The following ANKRD31 variants were observed in gnomAD, a reference collection of about 807,000 sequenced individuals.
ANKRD31 encodes ankyrin repeat domain-containing protein 31.
Under a neutral mutation model 186.0 loss-of-function variants are expected in ANKRD31, and 147 were observed. The observed-to-expected ratio is 0.79, with a 90% confidence interval of 0.69 to 0.91. ANKRD31 has a LOEUF of 0.91. Ranked by LOEUF, ANKRD31 falls within the 40% of genes least tolerant of loss-of-function variation. The pLI is 0.00. For missense variants in ANKRD31, 1,986 were observed against 2,148.8 expected (o/e 0.92, Z 1.50); for synonymous variants, 673 against 736.4 (o/e 0.91, Z 1.39).
chr5:75,192,137 T>A lies in ANKRD31; in HGVS notation c.1408+530A>T, dbSNP rs989908400. ...GTACGCTTATATCGCTGCAGTATTATTATCAAATTCAGAAAACTTACCTCT... is the reference window on the plus strand; with the variant it reads ...GTACGCTTATATCGCTGCAGTATTAATATCAAATTCAGAAAACTTACCTCT... On this transcript the variant is annotated intron_variant, in intron 9 of 25. Transcript: ENST00000506364. Among the ~76,000 whole-genome samples the A allele has an allele frequency of 3.9e-5, 6 of 152,296 alleles. No individual in the cohort carries two copies. In the South Asian group the frequency reaches 1.2e-3, roughly 32 times the overall value.
intron 2 of ANKRD31, among the ~76,000 whole-genome samples, chr5:75,229,864 C>CAAAAAAAAAAAA (rs1210080751): frequency 6.6e-4 from 25 of 37,730 alleles, no homozygotes; most frequent in Non-Finnish European, 9.2e-4. Flanking sequence ...GACTCTGTCT[C>CAAAAAAAAAAAA]AAAAAAAAAA....
chr5:75,223,733 C>T (rs1757442521), intron 2 of ANKRD31, among the ~76,000 whole-genome samples: 2 of 152,066 alleles, frequency 1.3e-5, no homozygotes, highest in African/African-American at 2.4e-5. Flanking sequence ...ATGCTGATGC[C>T]CTAACCGCCA....
chr5:75,141,553 A>T (rs866577346), intron 15 of ANKRD31, among the ~76,000 whole-genome samples: 7 of 152,004 alleles, frequency 4.6e-5, no homozygotes, highest in African/African-American at 1.2e-4. Flanking sequence ...GACATTTCTT[A>T]AAAAAATTTA....
chr5:75,210,245 C>A (rs1029983588), intron 4 of ANKRD31, among the ~76,000 whole-genome samples: 2 of 152,186 alleles, frequency 1.3e-5, no homozygotes, highest in African/African-American at 4.8e-5. Context: ...ATGATCTCAG[C>A]TCATTGCAAC....
chr5:75,115,206 T>C (rs1232183817), intron 19 of ANKRD31, among the ~76,000 whole-genome samples: 4 of 150,396 alleles, frequency 2.7e-5, no homozygotes, highest in African/African-American at 9.8e-5. Flanking sequence ...GCTAGCCATA[T>C]GTAGAAAGCT....
At chr5:75,200,577 T>C (rs1407470354) in intron 5 of ANKRD31, among the ~76,000 whole-genome samples, 2 of 147,914 alleles carry the variant, frequency 1.4e-5, no homozygotes, top group Non-Finnish European at 3.0e-5. Flanking sequence ...GGATTACAGG[T>C]GTGAGCCACC....
chr5:75,121,782 C>A (rs1192658104), intron 17 of ANKRD31, among the ~76,000 whole-genome samples: 1 of 151,936 alleles, frequency 6.6e-6, no homozygotes, highest in Non-Finnish European at 1.5e-5. Context: ...TCAGAATATA[C>A]CAAAACCTCT....
intron 3 of ANKRD31, among the ~76,000 whole-genome samples, chr5:75,211,478 C>T (rs1756643547): frequency 1.3e-5 from 2 of 152,180 alleles, no homozygotes; most frequent in South Asian, 4.1e-4. Flanking sequence ...ATTCAAGTCC[C>T]TGCTTTCACT....
intron 11 of ANKRD31, among the ~76,000 whole-genome samples, chr5:75,158,572 T>C (rs1580452109): frequency 6.6e-6 from 1 of 152,204 alleles, no homozygotes; most frequent in South Asian, 2.1e-4. Context: ...GGCCAGCAGT[T>C]CTAAACCAGC....
chr5:75,210,110 T>A (rs994285956), intron 4 of ANKRD31, among the ~76,000 whole-genome samples: 1 of 152,188 alleles, frequency 6.6e-6, no homozygotes, highest in Admixed American at 6.5e-5. Context: ...GAATCATTGT[T>A]TTAAAAGAAC....
chr5:75,093,480 C>CACA (rs199939837), intron 22 of ANKRD31, among the ~76,000 whole-genome samples: 11 of 151,970 alleles, frequency 7.2e-5, no homozygotes, highest in Non-Finnish European at 1.3e-4. Context: ...AAAACTGTGT[C>CACA]ACAACAACAA....
chr5:75,217,476 C>T (rs1326271481), intron 3 of ANKRD31, among the ~76,000 whole-genome samples: 1 of 152,056 alleles, frequency 6.6e-6, no homozygotes, highest in Non-Finnish European at 1.5e-5. Flanking sequence ...TTAAGTAATG[C>T]CCTTCTTTTT....
intron 5 of ANKRD31, among the ~76,000 whole-genome samples, chr5:75,201,707 C>T (rs1196178410): frequency 6.6e-6 from 1 of 152,092 alleles, no homozygotes; most frequent in Admixed American, 6.5e-5. Context: ...TTGGTTCAGG[C>T]CTTGAAGGGA....
rs542809470 is a variant in ANKRD31 at position 75,119,756 on chromosome 5, G to A, written c.3877-1459C>T. On this transcript the variant is annotated intron_variant, in intron 17 of 25. Transcript: ENST00000506364. ...TTTCTTCACAACCTTACCAGCATCT[G>A]TTATTTTCTGACCTTTAAATAATAG... 7.2e-5 allele frequency among the ~76,000 whole-genome samples: 11 copies of A among 152,270 alleles called. No individual in the cohort carries two copies. In the South Asian group the frequency reaches 2.1e-3, roughly 29 times the overall value.
At chr5:75,167,388 C>T (rs2150184907) in intron 11 of ANKRD31, among the ~76,000 whole-genome samples, 1 of 152,364 alleles carries the variant, frequency 6.6e-6, no homozygotes, top group Admixed American at 6.5e-5. Context: ...ACACCAAAGG[C>T]ATTTCAGCAA....
Position 75,146,264 on chromosome 5 carries a change from T to C in ANKRD31, c.3147A>G (p.Thr1049=). The change falls in exon 14 of 26, where the codon ACA becomes ACG. Residue 1049 remains threonine, a synonymous_variant. Coordinates refer to ENST00000506364, the MANE Select transcript of ANKRD31 (RefSeq NM_001372053.1). ...PRAPTFLMNQ[T]DTHIVEKMAK... ...CCATCTTTTCCACAATATGTGTATC[T>C]GTTTGATTCATTAAAAAAGTTGGTG... is the stretch of plus-strand genomic sequence containing the variant. 1 of 1,536,546 alleles carries C rather than the reference T, an allele frequency of 6.5e-7. No homozygotes were observed. Among genetic ancestry groups the C allele is most frequent in the East Asian group, 2.4e-5 (1 of 40,880 alleles).
intron 10 of ANKRD31, among the ~76,000 whole-genome samples, chr5:75,180,615 C>T (rs1333798356): frequency 1.3e-5 from 2 of 151,928 alleles, no homozygotes; most frequent in African/African-American, 4.8e-5. Flanking sequence ...ACAAACCTGA[C>T]AAAAATAAGA....
intron 10 of ANKRD31, among the ~76,000 whole-genome samples, chr5:75,181,455 A>G (rs1754286411): frequency 6.6e-6 from 1 of 152,176 alleles, no homozygotes; most frequent in East Asian, 1.9e-4. Context: ...TTGCGGCACT[A>G]TTCACAATAG....
At chr5:75,114,962 C>A (rs1389280521) in intron 19 of ANKRD31, among the ~76,000 whole-genome samples, 5 of 152,072 alleles carry the variant, frequency 3.3e-5, no homozygotes, top group Non-Finnish European at 7.3e-5. Flanking sequence ...CAATCCTGAG[C>A]CAAAAGAACA....
Sources: allele counts gnomAD v4.1 joint callset (sites outside exome capture counted in the v4.1 genomes callset), GRCh38; gene constraint gnomAD v4.1.1; transcripts MANE v1.5; gene names NCBI Gene and HGNC (gene_info 2026-07-23, HGNC 2026-07-21).